The following OPCML variants were observed in gnomAD, a reference collection of about 807,000 sequenced individuals.
The protein encoded by OPCML is opioid-binding protein/cell adhesion molecule.
OPCML carries 13 observed loss-of-function variants against 37.8 expected under a neutral mutation model. The observed-to-expected ratio is 0.34, with a 90% CI of 0.22 to 0.55. OPCML has a LOEUF of 0.55. Ranked by LOEUF, OPCML falls within the 20% of genes least tolerant of loss-of-function variation. OPCML has a pLI of 0.91. For synonymous variants in OPCML, 176 were observed against 168.8 expected (o/e 1.04, Z -0.33); for missense variants, 341 against 435.6 (o/e 0.78, Z 1.93).
chr11:133,113,837 G>A (rs1342929818), intron 1 of OPCML, among the ~76,000 whole-genome samples: 2 of 152,198 alleles, frequency 1.3e-5, no homozygotes, highest in African/African-American at 4.8e-5. Context: ...TGACCTCTGT[G>A]CTTCAGGCAC....
chr11:132,795,695 T>G (rs1198947406), intron 2 of OPCML, among the ~76,000 whole-genome samples: 2 of 152,218 alleles, frequency 1.3e-5, no homozygotes, highest in African/African-American at 4.8e-5. Context: ...TTGTGACTAG[T>G]CTCTTTCACT....
chr11:133,359,248 G>A (rs535682583), intron 1 of OPCML, among the ~76,000 whole-genome samples: 4 of 152,170 alleles, frequency 2.6e-5, no homozygotes, highest in African/African-American at 7.2e-5. Flanking sequence ...CCTCATCTTC[G>A]TTTATTCTCC....
At chr11:133,476,930 C>G (rs1947252454) in intron 1 of OPCML, among the ~76,000 whole-genome samples, 1 of 152,150 alleles carries the variant, frequency 6.6e-6, no homozygotes, top group South Asian at 2.1e-4. Context: ...GTATTGTTTT[C>G]CCTCCATTTT....
At chr11:133,010,959 A>G (rs1182792786) in intron 1 of OPCML, among the ~76,000 whole-genome samples, 3 of 152,244 alleles carry the variant, frequency 2.0e-5, no homozygotes, top group Non-Finnish European at 2.9e-5. Flanking sequence ...ACAGCTTGAA[A>G]CAAAGTTAAC....
intron 1 of OPCML, among the ~76,000 whole-genome samples, chr11:132,954,422 TAAGTGA>T (rs756410363): frequency 6.1e-4 from 69 of 112,626 alleles, no homozygotes; most frequent in South Asian, 2.6e-3. Flanking sequence ...AGTTCACTTT[TAAGTGA>T]ACTTTTTTAA....
At chr11:133,117,173 G>A (rs1040421484) in intron 1 of OPCML, among the ~76,000 whole-genome samples, 7 of 152,104 alleles carry the variant, frequency 4.6e-5, no homozygotes, top group Non-Finnish European at 8.8e-5. Flanking sequence ...GTTGGCTCCT[G>A]TGTCATTTCA....
intron 2 of OPCML, among the ~76,000 whole-genome samples, chr11:132,842,756 A>G (rs2659610): frequency 0.59 from 89,850 of 152,004 alleles, 27,340 homozygotes; most frequent in Non-Finnish European, 0.68. Flanking sequence ...TGCCAAAGCC[A>G]CCTGTACAAG....
At chr11:133,445,323 C>G (rs7110672) in intron 1 of OPCML, among the ~76,000 whole-genome samples, 46,047 of 151,168 alleles carry the variant, frequency 0.3, 8,534 homozygotes, top group African/African-American at 0.52. Context: ...AGTCAATTTT[C>G]TGTAAAGGGG....
chr11:132,877,745 T>C (rs959342959), intron 2 of OPCML, among the ~76,000 whole-genome samples: 3 of 152,182 alleles, frequency 2.0e-5, no homozygotes, highest in African/African-American at 7.2e-5. Flanking sequence ...TACTCTGTGC[T>C]CAGTCTCCAA....
Position 132,578,906 on chromosome 11 carries a change from C to A in OPCML, c.380-49720G>T, listed in dbSNP as rs2096456480. 2.6e-5 allele frequency among the ~76,000 whole-genome samples: 4 copies of A among 152,216 alleles called. No homozygotes were observed. In the South Asian group the frequency reaches 8.3e-4, roughly 32 times the overall value. ...TGGGTTTTACCCTCTGGAGATCACT[C>A]TGCAGGCTTAATTTGTGCTTCTCCC... On this transcript the variant is annotated intron_variant, in intron 3 of 7. Coordinates refer to ENST00000524381, the MANE Select transcript of OPCML (RefSeq NM_001012393.5).
At chr11:132,818,924 T>A (rs1014234132) in intron 2 of OPCML, among the ~76,000 whole-genome samples, 10 of 144,386 alleles carry the variant, frequency 6.9e-5, no homozygotes, top group African/African-American at 2.6e-4. Flanking sequence ...ACTTAAAGTA[T>A]AATAAAAAAT....
chr11:132,833,436 T>A (rs542525454), intron 2 of OPCML, among the ~76,000 whole-genome samples: 76 of 152,330 alleles, frequency 5.0e-4, no homozygotes, highest in African/African-American at 1.8e-3. Flanking sequence ...TCTCCGGTGC[T>A]AACAATGCCT....
chr11:132,496,251 T>C (rs189217518), intron 4 of OPCML, among the ~76,000 whole-genome samples: 116 of 152,306 alleles, frequency 7.6e-4, no homozygotes, highest in African/African-American at 2.6e-3. Context: ...GAAAGTGGTC[T>C]CAAGAGTAAA....
chr11:133,055,045 T>G (rs1948203427), intron 1 of OPCML, among the ~76,000 whole-genome samples: 1 of 151,284 alleles, frequency 6.6e-6, no homozygotes, highest in Non-Finnish European at 1.5e-5. Flanking sequence ...ACCTCTACTG[T>G]ACAATGCTGC....
intron 1 of OPCML, among the ~76,000 whole-genome samples, chr11:133,467,705 G>C (rs769956773): frequency 6.6e-6 from 1 of 152,080 alleles, no homozygotes; most frequent in Non-Finnish European, 1.5e-5. Flanking sequence ...GTCCTGAATG[G>C]CAGAACTGGT....
At chr11:133,062,685 C>T (rs1007205190) in intron 1 of OPCML, among the ~76,000 whole-genome samples, 2 of 152,208 alleles carry the variant, frequency 1.3e-5, no homozygotes, top group African/African-American at 4.8e-5. Flanking sequence ...GAGCGGCATC[C>T]TTGGAGACCC....
intron 1 of OPCML, among the ~76,000 whole-genome samples, chr11:133,433,546 A>G (rs1437580738): frequency 1.3e-5 from 2 of 152,082 alleles, no homozygotes; most frequent in African/African-American, 4.8e-5. Context: ...TTCAGTGAGG[A>G]TTTGCCTTGT....
chr11:133,142,238 G>T (rs774960365), intron 1 of OPCML, among the ~76,000 whole-genome samples: 3 of 152,104 alleles, frequency 2.0e-5, no homozygotes, highest in Non-Finnish European at 4.4e-5. Context: ...AAAAAGGGTC[G>T]CAACTCATTA....
rs58784534 is a variant in OPCML, at chr11:132,446,103, C to CTTTTTTTTTTTTT, written c.506-8757_506-8745dup. ...GTGTTTAGCTTGGCTCTGCTTGTGTCTTTTTTTTTTTTTTTTTTTTTTTTT... is the reference window on the plus strand; with the variant it reads ...GTGTTTAGCTTGGCTCTGCTTGTGTCTTTTTTTTTTTTTTTTTTTTTTTTTTTTTTTTTTTTTT... On this transcript the variant is annotated intron_variant, in intron 4 of 7. Coordinates refer to ENST00000524381, the MANE Select transcript of OPCML (RefSeq NM_001012393.5). 2.9e-4 allele frequency among the ~76,000 whole-genome samples: 14 copies of CTTTTTTTTTTTTT among 48,516 alleles called. 2 individuals carry two copies. Among genetic ancestry groups the CTTTTTTTTTTTTT allele is most frequent in the African/African-American group, 4.5e-4 (5 of 11,146 alleles). 31.8% of individuals were successfully genotyped at this position (48,516 alleles called of 152,430 possible). A position where few individuals can be genotyped will look rare whatever the true frequency, so the allele number is the denominator to read the frequency against.
Sources: gnomAD v4.1 joint callset for allele counts (sites outside exome capture counted in the v4.1 genomes callset) on GRCh38, gnomAD v4.1.1 for gene constraint, MANE v1.5 for transcripts, NCBI Gene and HGNC (gene_info 2026-07-23, HGNC 2026-07-21) for gene names.